The following C12orf76 variants were observed in gnomAD, a reference collection of about 807,000 sequenced individuals.
C12orf76 encodes uncharacterized protein C12orf76.
C12orf76 carries 6 observed loss-of-function variants against 6.8 expected under a neutral mutation model. The observed-to-expected ratio is 0.88, with a 90% CI of 0.48 to 1.73. The LOEUF is 1.73. Ranked by LOEUF, C12orf76 falls within the 40% of genes most tolerant of loss-of-function variation. C12orf76 has a pLI of 0.01. For synonymous variants in C12orf76, 56 were observed against 43.7 expected (o/e 1.28, Z -1.11); for missense variants, 99 against 98.2 (o/e 1.01, Z -0.03).
At chr12:110,066,764 C>T (rs1892872890) in intron 1 of C12orf76, among the ~76,000 whole-genome samples, 2 of 152,164 alleles carry the variant, frequency 1.3e-5, no homozygotes, top group African/African-American at 4.8e-5. Context: ...TCTGGTGCCT[C>T]CCCGACCTCC....
At chr12:110,057,219 C>T (rs1237946450) in exon 4 of C12orf76, 5 of 1,613,890 alleles carry the variant, frequency 3.1e-6, no homozygotes, top group Middle Eastern at 3.3e-4. Flanking sequence ...GGGCCCCATG[C>T]CAGCATGGTT....
chr12:110,068,259 GAAGAAGAAGAA>G (rs1566080052), upstream of C12orf76, among the ~76,000 whole-genome samples: 277 of 86,364 alleles, frequency 3.2e-3, 4 homozygotes, highest in Non-Finnish European at 1.8e-3. Context: ...AGAAGAAGAA[GAAGAAGAAGAA>G]GAAGAAGAAG....
At chr12:110,061,535 C>CTT (rs111551192) in intron 2 of C12orf76, among the ~76,000 whole-genome samples, 21 of 142,848 alleles carry the variant, frequency 1.5e-4, no homozygotes, top group Admixed American at 1.3e-3. Flanking sequence ...ACACTGCATA[C>CTT]TTTTTTTTTT....
In C12orf76 at chr12:110,054,294, A is replaced by G. The variant is rs1287771889; in HGVS notation, n.664+2895T>C. 6.6e-6 allele frequency among the ~76,000 whole-genome samples: 1 copy of G among 152,136 alleles called. No individual in the cohort carries two copies. Among genetic ancestry groups the G allele is most frequent in the Non-Finnish European group, 1.5e-5 (1 of 68,014 alleles). The stretch of plus-strand genomic sequence containing the variant: ...ATAGCAGCACTATTCACATAACCCA[A>G]ATGTTCATCTATGGATGAATGGATA... On this transcript the variant is annotated intron_variant and non_coding_transcript_variant, in intron 4 of 4. Transcript: ENST00000309050. The surrounding 1 kb of genome is among the most constrained non-coding windows in gnomAD (Gnocchi z 4.4).
intron 4 of C12orf76, among the ~76,000 whole-genome samples, chr12:110,056,519 G>A (rs1892670418): frequency 1.3e-5 from 2 of 152,084 alleles, no homozygotes; most frequent in African/African-American, 4.8e-5. Context: ...GTGGAGGTGG[G>A]AGGATTCCTT....
upstream of C12orf76, among the ~76,000 whole-genome samples, chr12:110,068,322 G>GAAGAAGAAGAAGAAGAAGAAA (rs1566080295): frequency 2.2e-5 from 3 of 139,162 alleles, no homozygotes; most frequent in African/African-American, 7.7e-5. Flanking sequence ...AGAAGAAGAA[G>GAAGAAGAAGAAGAAGAAGAAA]AAGAAGAAGG....
chr12:110,068,429 C>T (rs986986881), upstream of C12orf76, among the ~76,000 whole-genome samples: 1 of 152,178 alleles, frequency 6.6e-6, no homozygotes, highest in African/African-American at 2.4e-5. Context: ...CCAAGGACAG[C>T]ACAATCTCTT....
intron 2 of C12orf76, among the ~76,000 whole-genome samples, chr12:110,062,702 C>T (rs1471214034): frequency 6.6e-6 from 1 of 151,140 alleles, no homozygotes; most frequent in Non-Finnish European, 1.5e-5. Flanking sequence ...TCACTGCAGC[C>T]TCAACTTCCC....
At chr12:110,062,788 ATTTTTTTTTTTTTT>A (rs71079597) in intron 2 of C12orf76, among the ~76,000 whole-genome samples, 4 of 63,394 alleles carry the variant, frequency 6.3e-5, no homozygotes, top group Non-Finnish European at 8.5e-5. Context: ...CCCAGCTAAT[ATTTTTTTTTTTTTT>A]TTTTTTTTTT....
At chr12:110,068,200 G>A (rs563421190), upstream of C12orf76, among the ~76,000 whole-genome samples, 47 of 147,918 alleles carry the variant, frequency 3.2e-4, no homozygotes, top group African/African-American at 1.0e-3. Flanking sequence ...GGGAAACTCC[G>A]TCTCAAAAAA....
In C12orf76 at chr12:110,064,686, C is replaced by T. The variant is rs1593251034; in HGVS notation, n.380+1174G>A. Among the ~76,000 whole-genome samples, 3 of 152,310 alleles carry T rather than the reference C, an allele frequency of 2.0e-5. No individual in the cohort carries two copies. The East Asian group carries it at 5.8e-4, about 29-fold the overall frequency. ...GATGCAGCTCAAGGTGCTCCACGAT[C>T]TCACCCCTGCTAGCTTCCCCAGCCC... On this transcript the variant is annotated intron_variant and non_coding_transcript_variant, in intron 2 of 4. Coordinates refer to the C12orf76 transcript ENST00000309050.
At chr12:110,067,939 CG>C (rs59434524), upstream of C12orf76, among the ~76,000 whole-genome samples, 524 of 149,544 alleles carry the variant, frequency 3.5e-3, 5 homozygotes, top group African/African-American at 6.1e-3. Context: ...AGGCCGGGTG[CG>C]GTGGCTCACG....
upstream of C12orf76, chr12:110,050,861 CT>C: frequency 3.3e-6 from 2 of 611,218 alleles, no homozygotes; most frequent in Non-Finnish European, 5.8e-6. Flanking sequence ...CAAGAACCCC[CT>C]CTTGGGGTCT....
chr12:110,052,548 A>C (rs1892599008), upstream of C12orf76, among the ~76,000 whole-genome samples: 1 of 152,138 alleles, frequency 6.6e-6, no homozygotes, highest in Non-Finnish European at 1.5e-5. Flanking sequence ...CTCTACATGC[A>C]ACATCCCCTT....
intron 3 of C12orf76, chr12:110,058,902 C>A: frequency 7.2e-7 from 1 of 1,395,558 alleles, no homozygotes; most frequent in Non-Finnish European, 9.5e-7. Context: ...ATTTTGCTGA[C>A]ATATATTAAC....
chr12:110,042,709 C>G, intron 1 of C12orf76: 1 of 640,144 alleles, frequency 1.6e-6, no homozygotes, highest in Non-Finnish European at 2.8e-6. Flanking sequence ...GGGATGGAGA[C>G]AGGGTGGGCA....
chr12:110,058,976 T>G, intron 3 of C12orf76: 3 of 1,533,648 alleles, frequency 2.0e-6, no homozygotes, highest in Non-Finnish European at 2.6e-6. Context: ...ATAAGGAAGG[T>G]GCTAGTATTA....
chr12:110,046,299 G>C (rs902207038), intron 1 of C12orf76, among the ~76,000 whole-genome samples: 1 of 152,182 alleles, frequency 6.6e-6, no homozygotes, highest in Non-Finnish European at 1.5e-5. Context: ...GGTGGCACAC[G>C]CCTGTGGTCC....
At chr12:110,051,609 T>A (rs1566074731), upstream of C12orf76, among the ~76,000 whole-genome samples, 1 of 152,084 alleles carries the variant, frequency 6.6e-6, no homozygotes, top group Non-Finnish European at 1.5e-5. Flanking sequence ...GTATTTTTAG[T>A]AGAGACAGGA....
Sources: allele counts gnomAD v4.1 joint callset (sites outside exome capture counted in the v4.1 genomes callset), GRCh38; gene constraint gnomAD v4.1.1; non-coding constraint Gnocchi (gnomAD v3.1); transcripts MANE v1.5; gene names NCBI Gene and HGNC (gene_info 2026-07-23, HGNC 2026-07-21).